The following PGCKA1 variants were observed in gnomAD, a reference collection of about 807,000 sequenced individuals.
PGCKA1 encodes the protein PDCD10 and GCKIII kinases-associated protein 1.
the PGCKA1 span, among the ~76,000 whole-genome samples, chr4:37,513,827 T>C: frequency 4.6e-5 from 7 of 152,330 alleles, no homozygotes; most frequent in East Asian, 7.7e-4. Flanking sequence ...TGATAATTCA[T>C]ATCTGTAGGG....
the PGCKA1 span, among the ~76,000 whole-genome samples, chr4:37,589,756 C>T: frequency 1.3e-5 from 2 of 152,098 alleles, no homozygotes; most frequent in East Asian, 1.9e-4. Context: ...CTCAGCCTCC[C>T]GAGTAGCTGG....
chr4:37,593,328 G>A, the PGCKA1 span, among the ~76,000 whole-genome samples: 1 of 151,796 alleles, frequency 6.6e-6, no homozygotes, highest in Non-Finnish European at 1.5e-5. Context: ...TCACTGGCCC[G>A]TGTATCAATG....
chr4:37,577,576 TTTA>T, the PGCKA1 span, among the ~76,000 whole-genome samples: 1 of 152,172 alleles, frequency 6.6e-6, no homozygotes, highest in Non-Finnish European at 1.5e-5. Flanking sequence ...TGCTGTGATC[TTTA>T]TTATTTCTTT....
At chr4:37,591,688 G>C in the PGCKA1 span, 1 of 152,174 alleles carries the variant, frequency 6.6e-6, no homozygotes, top group East Asian at 1.9e-4. Context: ...CTTTGGGATT[G>C]GGGAGGCTGG....
chr4:37,468,828 G>A, the PGCKA1 span, among the ~76,000 whole-genome samples: 3 of 152,032 alleles, frequency 2.0e-5, no homozygotes, highest in African/African-American at 4.8e-5. Flanking sequence ...TTCTGTGCGG[G>A]TTCACAATGC....
At chr4:37,487,106 T>C in the PGCKA1 span, among the ~76,000 whole-genome samples, 2,772 of 152,138 alleles carry the variant, frequency 0.018, 98 homozygotes, top group African/African-American at 0.063. Context: ...TTAAGATACA[T>C]TTATTAAAAT....
chr4:37,471,788 G>T, the PGCKA1 span, among the ~76,000 whole-genome samples: 1 of 152,092 alleles, frequency 6.6e-6, no homozygotes, highest in African/African-American at 2.4e-5. Flanking sequence ...AGAAAAGTTG[G>T]CCAGGGGAAA....
chr4:37,461,232 T>C, the PGCKA1 span, among the ~76,000 whole-genome samples: 1 of 152,068 alleles, frequency 6.6e-6, no homozygotes, highest in Non-Finnish European at 1.5e-5. Context: ...TGTAATATAA[T>C]TTGAAGTCAG....
chr4:37,578,273 G>C, the PGCKA1 span, among the ~76,000 whole-genome samples: 1 of 152,190 alleles, frequency 6.6e-6, no homozygotes, highest in Non-Finnish European at 1.5e-5. Flanking sequence ...TCCTCTTGCT[G>C]AATTGAACCC....
the PGCKA1 span, among the ~76,000 whole-genome samples, chr4:37,480,479 C>T: frequency 1.3e-5 from 2 of 151,858 alleles, no homozygotes; most frequent in East Asian, 2.0e-4. Context: ...AGCAGAGAAG[C>T]GAGACTCCAT....
At chr4:37,576,984 T>A in the PGCKA1 span, among the ~76,000 whole-genome samples, 2 of 152,134 alleles carry the variant, frequency 1.3e-5, 1 homozygote, top group Non-Finnish European at 2.9e-5. Flanking sequence ...TTTGGTTTGC[T>A]AGTATTTTAT....
chr4:37,568,518 T>C, the PGCKA1 span, among the ~76,000 whole-genome samples: 49 of 152,200 alleles, frequency 3.2e-4, 1 homozygote, highest in African/African-American at 1.1e-3. Flanking sequence ...AATCTCACAG[T>C]TCCTCCTGGC....
the PGCKA1 span, among the ~76,000 whole-genome samples, chr4:37,537,574 C>T: frequency 6.6e-6 from 1 of 152,072 alleles, no homozygotes; most frequent in Non-Finnish European, 1.5e-5. Context: ...ACATGAAGAA[C>T]ATTACCTTTC....
At chr4:37,537,905 CA>C in the PGCKA1 span, among the ~76,000 whole-genome samples, 1 of 152,196 alleles carries the variant, frequency 6.6e-6, no homozygotes, top group Non-Finnish European at 1.5e-5. Flanking sequence ...GCTTATTTCA[CA>C]CAGAGTTGCT....
At chr4:37,533,538 G>A in the PGCKA1 span, among the ~76,000 whole-genome samples, 6 of 152,034 alleles carry the variant, frequency 3.9e-5, no homozygotes, top group South Asian at 6.2e-4. Flanking sequence ...GTTGAGTTTC[G>A]CTTATAAATA....
At chr4:37,516,348 C>T in the PGCKA1 span, among the ~76,000 whole-genome samples, 2 of 152,150 alleles carry the variant, frequency 1.3e-5, no homozygotes, top group African/African-American at 4.8e-5. Context: ...TAGTACTGAC[C>T]GAAATCGATG....
At chr4:37,459,500 A>G in the PGCKA1 span, among the ~76,000 whole-genome samples, 12 of 152,366 alleles carry the variant, frequency 7.9e-5, no homozygotes, top group African/African-American at 2.9e-4. Context: ...TCAAGATGAC[A>G]TTTAAACCCA....
At chr4:37,554,283 T>A in the PGCKA1 span, among the ~76,000 whole-genome samples, 2 of 152,322 alleles carry the variant, frequency 1.3e-5, no homozygotes, top group East Asian at 3.8e-4. Flanking sequence ...TTACCCAGTC[T>A]CAGGAATTTC....
the PGCKA1 span, among the ~76,000 whole-genome samples, chr4:37,481,464 C>CAAAAAAAAAAAAAAAAAAAAAAAAA: frequency 4.9e-5 from 3 of 61,442 alleles, no homozygotes; most frequent in Non-Finnish European, 6.1e-5. Flanking sequence ...GACCTGTCTC[C>CAAAAAAAAAAAAAAAAAAAAAAAAA]AAAAAAAAAA....
Sources: gnomAD v4.1 joint callset for allele counts (sites outside exome capture counted in the v4.1 genomes callset) on GRCh38, gnomAD v4.1.1 for gene constraint, MANE v1.5 for transcripts, NCBI Gene and HGNC (gene_info 2026-07-23, HGNC 2026-07-21) for gene names.